The following RHBDL2 variants were observed in gnomAD, a reference collection of about 807,000 sequenced individuals.
RHBDL2 encodes rhomboid-related protein 2.
In RHBDL2, 26 loss-of-function variants were observed where a neutral mutation model predicts 31.7. That is an observed-to-expected ratio of 0.82 (90% CI 0.60 to 1.14). RHBDL2 has a LOEUF of 1.14. Ranked by LOEUF, RHBDL2 falls within the 50% of genes most tolerant of loss-of-function variation. RHBDL2 has a pLI of 0.00. For missense variants in RHBDL2, 336 were observed against 364.4 expected, an observed-to-expected ratio of 0.92 and a Z score of 0.63; for synonymous variants, 123 against 127.2, an observed-to-expected ratio of 0.97 and a Z score of 0.22.
intron 1 of RHBDL2, among the ~76,000 whole-genome samples, chr1:38,922,902 G>A (rs1557620935): frequency 6.6e-6 from 1 of 152,078 alleles, no homozygotes; most frequent in Non-Finnish European, 1.5e-5. Context: ...GACCAGCCTG[G>A]CCAATATGGT....
chr1:38,897,952 G>A (rs1289537190), intron 4 of RHBDL2, among the ~76,000 whole-genome samples: 3 of 151,872 alleles, frequency 2.0e-5, no homozygotes, highest in Admixed American at 6.6e-5. Context: ...GCAACATGGC[G>A]AAACCCCATC....
At chr1:38,922,224 G>C (rs1643324652) in intron 1 of RHBDL2, among the ~76,000 whole-genome samples, 1 of 151,046 alleles carries the variant, frequency 6.6e-6, no homozygotes. Flanking sequence ...TCAGGCTCTA[G>C]CACCAAATGA....
At chr1:38,912,910 A>ATATG (rs1399583863) in intron 3 of RHBDL2, among the ~76,000 whole-genome samples, 37 of 41,366 alleles carry the variant, frequency 8.9e-4, no homozygotes, top group African/African-American at 2.7e-3. Context: ...ATATATATAT[A>ATATG]TGTGTGTGTG....
At chr1:38,939,339 C>T (rs1358397282) in intron 1 of RHBDL2, among the ~76,000 whole-genome samples, 1 of 152,090 alleles carries the variant, frequency 6.6e-6, no homozygotes, top group East Asian at 1.9e-4. Flanking sequence ...GTCTCAGGCT[C>T]AAATGATCCT....
At chr1:38,889,690 C>T (rs1381677132) in intron 6 of RHBDL2, among the ~76,000 whole-genome samples, 1 of 152,158 alleles carries the variant, frequency 6.6e-6, no homozygotes, top group Non-Finnish European at 1.5e-5. Flanking sequence ...TCAAGTAAGT[C>T]GGATCTGCAC....
chr1:38,921,517 G>A (rs1374594574), intron 1 of RHBDL2, among the ~76,000 whole-genome samples: 1 of 152,142 alleles, frequency 6.6e-6, no homozygotes, highest in Non-Finnish European at 1.5e-5. Flanking sequence ...CCTGGCGCCT[G>A]TTTTCACACT....
At chr1:38,929,387 A>G (rs1306837068) in intron 1 of RHBDL2, 1 of 1,288,324 alleles carries the variant, frequency 7.8e-7, no homozygotes, top group African/African-American at 1.5e-5. Context: ...GGACTAAATC[A>G]GGCTCACCTT....
intron 2 of RHBDL2, among the ~76,000 whole-genome samples, chr1:38,916,608 G>T (rs1349595469): frequency 1.3e-5 from 2 of 152,100 alleles, no homozygotes; most frequent in African/African-American, 4.8e-5. Context: ...CCTTTGGCGG[G>T]AGGCTGAGGC....
chr1:38,911,635 TGTGTGTGTGTGC>T (rs778695940), intron 3 of RHBDL2, among the ~76,000 whole-genome samples: 39,922 of 112,426 alleles, frequency 0.36, 6,230 homozygotes, highest in Non-Finnish European at 0.43. Flanking sequence ...TGTGTGTGTG[TGTGTGTGTGTGC>T]GCGCGCGCGC....
chr1:38,910,383 C>T (rs546932923), intron 4 of RHBDL2, among the ~76,000 whole-genome samples: 1 of 152,256 alleles, frequency 6.6e-6, no homozygotes, highest in South Asian at 2.1e-4. Context: ...GGCATTATTT[C>T]TAACAACTGC....
chr1:38,911,909 C>T (rs1330157414), intron 3 of RHBDL2, among the ~76,000 whole-genome samples: 5 of 151,902 alleles, frequency 3.3e-5, no homozygotes, highest in African/African-American at 4.8e-5. Context: ...TGGGTTCAAG[C>T]GATTCTCCCG....
intron 1 of RHBDL2, among the ~76,000 whole-genome samples, chr1:38,940,906 A>T (rs1033575233): frequency 6.6e-6 from 1 of 152,128 alleles, no homozygotes; most frequent in African/African-American, 2.4e-5. Flanking sequence ...TTAAAAAAAA[A>T]TTATAGCTGA....
intron 1 of RHBDL2, chr1:38,929,325 TG>T: frequency 8.9e-7 from 1 of 1,125,150 alleles, no homozygotes; most frequent in Non-Finnish European, 1.2e-6. Context: ...GGACTCTAGG[TG>T]GACACAAGCG....
chr1:38,930,106 G>T (rs141203654), intron 1 of RHBDL2, among the ~76,000 whole-genome samples: 1 of 152,066 alleles, frequency 6.6e-6, no homozygotes, highest in Non-Finnish European at 1.5e-5. Flanking sequence ...TCCACTCTGC[G>T]TCAAAAGTTT....
chr1:38,920,347 T>C (rs1643295440), intron 1 of RHBDL2, among the ~76,000 whole-genome samples: 2 of 151,732 alleles, frequency 1.3e-5, no homozygotes, highest in African/African-American at 2.4e-5. Context: ...TTTGTATTTT[T>C]AGTAGAGACA....
intron 4 of RHBDL2, among the ~76,000 whole-genome samples, chr1:38,898,713 G>A (rs1642948959): frequency 6.6e-6 from 1 of 152,158 alleles, no homozygotes; most frequent in Admixed American, 6.5e-5. Flanking sequence ...AGTCCAGATA[G>A]ATCTGGACTG....
At chr1:38,910,802 C>CG (rs1643129764) in intron 4 of RHBDL2, among the ~76,000 whole-genome samples, 1 of 140,562 alleles carries the variant, frequency 7.1e-6, no homozygotes, top group South Asian at 2.2e-4. Flanking sequence ...GACAGAGTCT[C>CG]GCTCTGTTGC....
At chr1:38,941,570 C>G (rs1643559713) in intron 1 of RHBDL2, 112 bp downstream of exon 1, 1 of 152,360 alleles carries the variant, frequency 6.6e-6, no homozygotes, top group Non-Finnish European at 1.5e-5. Context: ...CGAAGCACCC[C>G]ACATGTCCCT....
At chr1:38,919,398 C>A in intron 1 of RHBDL2, 61 bp from the exon 2 acceptor site, 1 of 1,441,744 alleles carries the variant, frequency 6.9e-7, no homozygotes. Context: ...CTAAATGGCC[C>A]AAAATAAAGT....
Sources: allele counts gnomAD v4.1 joint callset (sites outside exome capture counted in the v4.1 genomes callset), GRCh38; gene constraint gnomAD v4.1.1; transcripts MANE v1.5; gene names NCBI Gene and HGNC (gene_info 2026-07-23, HGNC 2026-07-21).